Variants in SLC25A48 observed in about 807,000 individuals in gnomAD.
The protein encoded by SLC25A48 is CTC-321K16.1.
Under a neutral mutation model 32.2 loss-of-function variants are expected in SLC25A48, and 29 were observed. The observed-to-expected ratio is 0.90, with a 90% CI of 0.67 to 1.23. SLC25A48 has a LOEUF of 1.23. Ranked by LOEUF, SLC25A48 falls within the 50% of genes most tolerant of loss-of-function variation. The pLI is 0.00. For synonymous variants in SLC25A48, 164 were observed against 172.3 expected (o/e 0.95, Z 0.38); for missense variants, 399 against 422.7 (o/e 0.94, Z 0.49).
intron 3 of SLC25A48, among the ~76,000 whole-genome samples, chr5:135,757,989 A>G (rs1167112920): frequency 6.6e-6 from 1 of 150,552 alleles, no homozygotes; most frequent in Non-Finnish European, 1.5e-5. Flanking sequence ...TTAATAGAAT[A>G]TCATCTAGAT....
At chr5:135,646,662 TATATA>T (rs1752967634) in intron 3 of SLC25A48, among the ~76,000 whole-genome samples, 1 of 34,718 alleles carries the variant, frequency 2.9e-5, no homozygotes, top group African/African-American at 8.7e-5. Flanking sequence ...TTTCCCATTA[TATATA>T]TATATATATA....
intron 3 of SLC25A48, among the ~76,000 whole-genome samples, chr5:135,736,805 C>T (rs1755371639): frequency 6.6e-6 from 1 of 152,094 alleles, no homozygotes; most frequent in Non-Finnish European, 1.5e-5. Flanking sequence ...AAACGCATCT[C>T]CTGTCTCTAC....
At chr5:135,778,658 A>G (rs904196582) in intron 3 of SLC25A48, among the ~76,000 whole-genome samples, 4 of 148,678 alleles carry the variant, frequency 2.7e-5, no homozygotes, top group Non-Finnish European at 5.9e-5. Context: ...AGAGGGTGAC[A>G]TTGCTCCCAG....
chr5:135,830,944 A>G (rs1425459833), upstream of SLC25A48, among the ~76,000 whole-genome samples: 2 of 152,162 alleles, frequency 1.3e-5, no homozygotes, highest in African/African-American at 4.8e-5. Context: ...GAGTTGGAAA[A>G]AGAAGCAGGG....
intron 4 of SLC25A48, chr5:135,822,027 A>T (rs1255573988): frequency 6.6e-6 from 1 of 152,180 alleles, no homozygotes; most frequent in Non-Finnish European, 1.5e-5. Flanking sequence ...TCAATCCAGG[A>T]CTCACTGTTG....
At chr5:135,620,675 C>T (rs1045133546) in intron 1 of SLC25A48, among the ~76,000 whole-genome samples, 2 of 152,116 alleles carry the variant, frequency 1.3e-5, no homozygotes, top group African/African-American at 4.8e-5. Flanking sequence ...CACCTCAGCC[C>T]AGTGGCAGGA....
At chr5:135,703,198 A>G (rs919169415) in intron 3 of SLC25A48, among the ~76,000 whole-genome samples, 3 of 152,188 alleles carry the variant, frequency 2.0e-5, no homozygotes, top group African/African-American at 7.2e-5. Flanking sequence ...AGAAGTCTGA[A>G]ATGTGGAGCT....
chr5:135,611,387 C>G (rs1307816061), intron 1 of SLC25A48, among the ~76,000 whole-genome samples: 1 of 148,260 alleles, frequency 6.7e-6, no homozygotes, highest in Non-Finnish European at 1.5e-5. Context: ...TGGTGGTGTG[C>G]GCTTGTAGTC....
chr5:135,755,893 G>A (rs1187195141), intron 3 of SLC25A48, among the ~76,000 whole-genome samples: 3 of 151,796 alleles, frequency 2.0e-5, no homozygotes, highest in Non-Finnish European at 4.4e-5. Context: ...TAGTGTCAAC[G>A]CACTATGATA....
chr5:135,620,985 C>G (rs543794600), intron 1 of SLC25A48, among the ~76,000 whole-genome samples: 1 of 152,186 alleles, frequency 6.6e-6, no homozygotes, highest in African/African-American at 2.4e-5. Context: ...CTTCCTTCTC[C>G]TTCCAGATGA....
chr5:135,859,991 C>T (rs1256366395), intron 4 of SLC25A48, among the ~76,000 whole-genome samples: 1 of 152,152 alleles, frequency 6.6e-6, no homozygotes, highest in Non-Finnish European at 1.5e-5. Flanking sequence ...CTCCTCCATA[C>T]CTTAGCAGAA....
intron 1 of SLC25A48, among the ~76,000 whole-genome samples, chr5:135,608,451 A>T (rs772677711): frequency 6.6e-6 from 1 of 152,192 alleles, no homozygotes; most frequent in African/African-American, 2.4e-5. Flanking sequence ...TTTTCTCTCC[A>T]TGAGCAATGA....
chr5:135,731,691 GAAGGAGAAAAACAGATATTA>G (rs1755227288), intron 3 of SLC25A48, among the ~76,000 whole-genome samples: 1 of 152,198 alleles, frequency 6.6e-6, no homozygotes, highest in Non-Finnish European at 1.5e-5. Context: ...CCAAATAAGA[GAAGGAGAAAAACAGATATTA>G]AAGGACTAAG....
intron 2 of SLC25A48, among the ~76,000 whole-genome samples, chr5:135,846,421 A>C (rs1759424686): frequency 6.6e-6 from 1 of 152,060 alleles, no homozygotes; most frequent in African/African-American, 2.4e-5. Context: ...CTGCCCCCTC[A>C]CTACCCAGTC....
At chr5:135,748,201 G>A (rs886459789) in intron 3 of SLC25A48, among the ~76,000 whole-genome samples, 6 of 152,244 alleles carry the variant, frequency 3.9e-5, no homozygotes, top group Non-Finnish European at 8.8e-5. Flanking sequence ...CTGAGAGGCA[G>A]TAAAGAGCAG....
At chr5:135,616,212 A>G (rs570984925) in intron 1 of SLC25A48, among the ~76,000 whole-genome samples, 20 of 152,228 alleles carry the variant, frequency 1.3e-4, no homozygotes, top group Admixed American at 1.2e-3. Context: ...CCATTGGGGG[A>G]CTACCTAGTG....
intron 1 of SLC25A48, among the ~76,000 whole-genome samples, chr5:135,616,273 A>T (rs756340397): frequency 2.6e-5 from 4 of 152,128 alleles, no homozygotes; most frequent in Non-Finnish European, 5.9e-5. Flanking sequence ...TGGAAGCCAC[A>T]CTGACAGCTT....
At chr5:135,607,841 A>C (rs1015856186) in intron 1 of SLC25A48, among the ~76,000 whole-genome samples, 12 of 152,170 alleles carry the variant, frequency 7.9e-5, no homozygotes, top group African/African-American at 2.9e-4. Context: ...AGGAGGCAGA[A>C]TTGGCTTATT....
At chr5:135,601,347 G>A (rs1264449731) in intron 1 of SLC25A48, 1 of 152,314 alleles carries the variant, frequency 6.6e-6, no homozygotes, top group African/African-American at 2.4e-5. Context: ...GGTTGCCACT[G>A]CTGAGGGCTG....
Sources: gnomAD v4.1 joint callset for allele counts (sites outside exome capture counted in the v4.1 genomes callset) on GRCh38, gnomAD v4.1.1 for gene constraint, MANE v1.5 for transcripts, NCBI Gene and HGNC (gene_info 2026-07-23, HGNC 2026-07-21) for gene names.